Variants in RMST observed in about 807,000 individuals in gnomAD.
RMST encodes long intergenic non-protein coding RNA 54.
intron 11 of RMST, among the ~76,000 whole-genome samples, chr12:97,539,518 C>T (rs1882340411): frequency 6.6e-6 from 1 of 151,548 alleles, no homozygotes; most frequent in Non-Finnish European, 1.5e-5. Context: ...TCTGCTTTTA[C>T]AGCACAGACA....
intron 10 of RMST, among the ~76,000 whole-genome samples, chr12:97,497,097 C>T (rs908464768): frequency 1.3e-5 from 2 of 152,172 alleles, no homozygotes; most frequent in South Asian, 2.1e-4. Context: ...GGAATATAAA[C>T]CTGCTTTGCT....
At chr12:97,527,211 A>C (rs534495202) in intron 10 of RMST, among the ~76,000 whole-genome samples, 9 of 151,554 alleles carry the variant, frequency 5.9e-5, no homozygotes, top group Admixed American at 1.3e-4. Context: ...TTGGTGGGGC[A>C]CAAAGATAAA....
intron 10 of RMST, among the ~76,000 whole-genome samples, chr12:97,527,489 A>C (rs1029631487): frequency 1.3e-5 from 2 of 152,318 alleles, no homozygotes; most frequent in Admixed American, 6.5e-5. Context: ...GGGAGCAGAA[A>C]TCAGCAAGTG....
chr12:97,482,839 T>C (rs1044863558), intron 5 of RMST, among the ~76,000 whole-genome samples: 7 of 147,280 alleles, frequency 4.8e-5, no homozygotes, highest in Non-Finnish European at 1.5e-5. Flanking sequence ...TTAAATAAAT[T>C]TATTTATTTA....
At chr12:97,543,939 A>C (rs1457771002) in intron 11 of RMST, among the ~76,000 whole-genome samples, 1 of 152,038 alleles carries the variant, frequency 6.6e-6, no homozygotes, top group Non-Finnish European at 1.5e-5. Context: ...TTAAATATGC[A>C]ATTCAGTTTA....
intron 9 of RMST, among the ~76,000 whole-genome samples, chr12:97,495,177 G>GGC (rs1555230754): frequency 2.8e-4 from 5 of 18,046 alleles, no homozygotes; most frequent in Admixed American, 1.0e-3. Flanking sequence ...TTATTCTTAT[G>GGC]GGGGGGGAGC....
chr12:97,547,837 G>A (rs879280172), intron 11 of RMST, among the ~76,000 whole-genome samples: 2 of 152,026 alleles, frequency 1.3e-5, no homozygotes, highest in Non-Finnish European at 2.9e-5. Flanking sequence ...CTGCCATTCT[G>A]TAGGTTTTCT....
chr12:97,508,134 G>A (rs1446717470), intron 10 of RMST, among the ~76,000 whole-genome samples: 1 of 152,170 alleles, frequency 6.6e-6, no homozygotes, highest in Admixed American at 6.6e-5. Flanking sequence ...TAGTATAATG[G>A]ATGAATTAAT....
At chr12:97,538,473 G>C (rs978583096) in intron 11 of RMST, among the ~76,000 whole-genome samples, 1 of 151,256 alleles carries the variant, frequency 6.6e-6, no homozygotes, top group Non-Finnish European at 1.5e-5. Context: ...CTGAAGCTTA[G>C]AGTACAAATC....
chr12:97,534,837 G>C (rs1031822752), intron 11 of RMST, among the ~76,000 whole-genome samples: 1 of 151,602 alleles, frequency 6.6e-6, no homozygotes, highest in Non-Finnish European at 1.5e-5. Flanking sequence ...TAGCTGGAGC[G>C]TTTCTGTTTA....
intron 10 of RMST, among the ~76,000 whole-genome samples, chr12:97,501,013 A>G (rs938438682): frequency 2.0e-5 from 3 of 152,206 alleles, no homozygotes; most frequent in Non-Finnish European, 4.4e-5. Context: ...GTGTTTCTAA[A>G]TGATTGCTCA....
chr12:97,469,596 C>G (rs1169788284), intron 5 of RMST, among the ~76,000 whole-genome samples: 1 of 151,984 alleles, frequency 6.6e-6, no homozygotes. Context: ...ACTGAGGTTT[C>G]GAGAAGTTAA....
At chr12:97,522,838 G>A (rs954532394) in intron 10 of RMST, among the ~76,000 whole-genome samples, 1 of 152,000 alleles carries the variant, frequency 6.6e-6, no homozygotes, top group Non-Finnish European at 1.5e-5. Context: ...ACAAAACATC[G>A]AGTGAGATCA....
At chr12:97,500,358 T>C (rs1012769977) in intron 10 of RMST, among the ~76,000 whole-genome samples, 5 of 152,094 alleles carry the variant, frequency 3.3e-5, no homozygotes, top group Admixed American at 6.5e-5. Flanking sequence ...CAGTCCACGA[T>C]TCATGGACTG....
chr12:97,525,139 G>A (rs544168793), intron 10 of RMST, among the ~76,000 whole-genome samples: 13 of 152,134 alleles, frequency 8.5e-5, no homozygotes, highest in Admixed American at 2.6e-4. Context: ...ATAGAAATGC[G>A]GTTTGTCTCT....
At chr12:97,465,422 T>C (rs1008896027) in intron 4 of RMST, among the ~76,000 whole-genome samples, 1 of 152,192 alleles carries the variant, frequency 6.6e-6, no homozygotes, top group Admixed American at 6.5e-5. Flanking sequence ...ATTAAGAGGC[T>C]ATGGAGTACA....
At chr12:97,523,274 A>G (rs1880700741) in intron 10 of RMST, among the ~76,000 whole-genome samples, 1 of 152,248 alleles carries the variant, frequency 6.6e-6, no homozygotes, top group African/African-American at 2.4e-5. Context: ...AAATATCTGA[A>G]GATTAAAACC....
intron 10 of RMST, among the ~76,000 whole-genome samples, chr12:97,508,421 C>T (rs1193240925): frequency 6.6e-6 from 1 of 152,186 alleles, no homozygotes; most frequent in Non-Finnish European, 1.5e-5. Context: ...TGATTGTCAA[C>T]TGGTAAAATG....
chr12:97,502,316 G>A (rs1284791935), intron 10 of RMST, among the ~76,000 whole-genome samples: 1 of 152,080 alleles, frequency 6.6e-6, no homozygotes, highest in Non-Finnish European at 1.5e-5. Flanking sequence ...ATTCATTTAT[G>A]GAGTGCACAC....
Sources: gnomAD v4.1 joint callset for allele counts (sites outside exome capture counted in the v4.1 genomes callset) on GRCh38, gnomAD v4.1.1 for gene constraint, MANE v1.5 for transcripts, NCBI Gene and HGNC (gene_info 2026-07-23, HGNC 2026-07-21) for gene names.